Variants in RRM2 observed in about 807,000 individuals in gnomAD.
RRM2 encodes the protein ribonucleoside-diphosphate reductase subunit M2.
A neutral mutation model predicts 45.9 loss-of-function variants in RRM2; 6 were observed. The observed-to-expected ratio is 0.13, with a 90% CI of 0.07 to 0.26. The LOEUF (loss-of-function observed/expected upper bound fraction) is 0.26. Among genes scored for constraint, RRM2 ranks in the 10% least tolerant of loss-of-function variants. The probability of loss-of-function intolerance (pLI) is 1.00; values close to 1 mark genes in which losing one functional copy is unlikely to be tolerated. For synonymous variants in RRM2, 177 were observed against 173.0 expected, an observed-to-expected ratio of 1.02 and a Z score of -0.18; for missense variants, 343 against 489.5, an observed-to-expected ratio of 0.70 and a Z score of 2.82.
intron 3 of RRM2, among the ~76,000 whole-genome samples, chr2:10,142,935 G>A (rs1198099763): frequency 2.6e-5 from 4 of 152,178 alleles, no homozygotes; most frequent in Admixed American, 2.0e-4. Context: ...GTGCAGTGGC[G>A]CGATCTCGAC....
At chr2:10,149,809 T>A (rs1446713460) in intron 3 of RRM2, among the ~76,000 whole-genome samples, 1 of 152,224 alleles carries the variant, frequency 6.6e-6, no homozygotes, top group South Asian at 2.1e-4. Flanking sequence ...CTGCTGCTTC[T>A]GCTTCTTGGT....
downstream of RRM2, among the ~76,000 whole-genome samples, chr2:10,132,861 T>C (rs1019647346): frequency 6.6e-6 from 1 of 151,876 alleles, no homozygotes; most frequent in Non-Finnish European, 1.5e-5. Context: ...TCTGTTCTGC[T>C]CCCCCCGGCC....
chr2:10,176,741 C>T (rs1407616383), intron 3 of RRM2, among the ~76,000 whole-genome samples: 2 of 152,206 alleles, frequency 1.3e-5, no homozygotes, highest in Non-Finnish European at 2.9e-5. Flanking sequence ...AAAACACAAT[C>T]TATTAATTCC....
rs993596199 is a variant in RRM2, at chr2:10,195,530, C to T, written n.483-14781C>T. 1.2e-4 allele frequency among the ~76,000 whole-genome samples: 19 copies of T among 152,168 alleles called. No individual in the cohort carries two copies. The highest frequency in any genetic ancestry group is 5.2e-4 in the Admixed American group (8 of 15,276). ...AGGTGAGCCCTGAAGGGTGAGGTTG[C>T]TTCAGCTGGATGAGAGGGTGTGGGA... On this transcript the variant is annotated intron_variant and non_coding_transcript_variant, in intron 3 of 3. Coordinates refer to the RRM2 transcript ENST00000381786. The surrounding 1 kb of genome is among the most constrained non-coding windows in gnomAD (Gnocchi z 4.9).
At chr2:10,140,394 G>A (rs1663059116), upstream of RRM2, among the ~76,000 whole-genome samples, 1 of 152,246 alleles carries the variant, frequency 6.6e-6, no homozygotes, top group South Asian at 2.1e-4. Context: ...CTTCACCATG[G>A]ATAAGAGACT....
chr2:10,174,074 G>A (rs534620064), intron 3 of RRM2, among the ~76,000 whole-genome samples: 42 of 152,276 alleles, frequency 2.8e-4, no homozygotes, highest in Admixed American at 1.5e-3. Flanking sequence ...TCGTATGGGC[G>A]GGTGCTGATC....
chr2:10,197,267 C>T (rs1037484677), intron 3 of RRM2, among the ~76,000 whole-genome samples: 19 of 152,234 alleles, frequency 1.2e-4, no homozygotes, highest in Admixed American at 6.5e-5. Flanking sequence ...AAGGGTAACG[C>T]GAGCGCCTAG....
Position 10,169,543 on chromosome 2 carries a change from C to T in RRM2, n.482+27168C>T, listed in dbSNP as rs777477628. The stretch of plus-strand genomic sequence containing the variant: ...GACTGTAAGAGATGCAAAGCCAGGA[C>T]GGTGAGGGTGAGCTGGGGTTGGGGA... On this transcript the variant is annotated intron_variant and non_coding_transcript_variant, in intron 3 of 3. Coordinates refer to the RRM2 transcript ENST00000381786. The surrounding 1 kb of genome is among the most constrained non-coding windows in gnomAD (Gnocchi z 5.1). Among the ~76,000 whole-genome samples, 23 of 152,084 alleles carry T rather than the reference C, an allele frequency of 1.5e-4. No homozygotes were observed. Among genetic ancestry groups the T allele is most frequent in the African/African-American group, 2.2e-4 (9 of 41,412 alleles).
chr2:10,124,502 T>C (rs1662740178), intron 4 of RRM2, among the ~76,000 whole-genome samples: 1 of 152,222 alleles, frequency 6.6e-6, no homozygotes, highest in Non-Finnish European at 1.5e-5. Context: ...AATTAGGAAA[T>C]CGAGCGCTCA....
intron 3 of RRM2, among the ~76,000 whole-genome samples, chr2:10,163,607 C>T (rs537011815): frequency 9.2e-5 from 14 of 152,222 alleles, no homozygotes; most frequent in Admixed American, 2.6e-4. Flanking sequence ...CGGGCAGTGG[C>T]GGGTGGGAAC....
intron 3 of RRM2, among the ~76,000 whole-genome samples, chr2:10,200,052 C>CCA (rs35699715): frequency 6.6e-5 from 10 of 152,092 alleles, no homozygotes; most frequent in Non-Finnish European, 1.5e-4. Context: ...AGGCTGATCT[C>CCA]CAACTCCTGA....
rs116557757 is a variant in RRM2, at chr2:10,124,456, T to C, written c.436-261T>C. ...CTGTTTTAATAATAATTTGGTTGTA[T>C]CTCTTATTGCGAATGGATCTTTCTT... is the stretch of plus-strand genomic sequence containing the variant. On this transcript the variant is annotated intron_variant, in intron 4 of 9. Transcript: ENST00000304567. 3.9e-3 allele frequency among the ~76,000 whole-genome samples: 595 copies of C among 152,302 alleles called. 7 individuals carry two copies. The highest frequency in any genetic ancestry group is 0.014 in the African/African-American group (573 of 41,556).
In RRM2 at chr2:10,204,046, C is replaced by G. The variant is rs1664620432; in HGVS notation, n.483-6265C>G. On this transcript the variant is annotated intron_variant and non_coding_transcript_variant, in intron 3 of 3. Transcript: ENST00000381786. This position sits in a 1 kb window ranked among gnomAD's most constrained non-coding sequence, Gnocchi z 4.0. ...GCCATTCAGCAGTCCTTGTGATTTT[C>G]TGAGCATACTTTAGCCTTCTAGCAC... 1.3e-5 allele frequency among the ~76,000 whole-genome samples: 2 copies of G among 152,104 alleles called. No homozygotes were observed. The highest frequency in any genetic ancestry group is 1.3e-4 in the Admixed American group (2 of 15,274).
At chr2:10,208,476 G>A (rs1418397233) in intron 3 of RRM2, among the ~76,000 whole-genome samples, 2 of 152,180 alleles carry the variant, frequency 1.3e-5, no homozygotes, top group African/African-American at 4.8e-5. Flanking sequence ...AAAAGAATAT[G>A]CTTCCTATAC....
downstream of RRM2, among the ~76,000 whole-genome samples, chr2:10,134,522 A>G (rs992045856): frequency 3.3e-5 from 5 of 152,252 alleles, no homozygotes; most frequent in African/African-American, 7.2e-5. Flanking sequence ...TGGTCTAGGA[A>G]CTACTCAAAG....
intron 3 of RRM2, among the ~76,000 whole-genome samples, chr2:10,183,969 T>C (rs13385046): frequency 0.036 from 5,401 of 151,396 alleles, 316 homozygotes; most frequent in African/African-American, 0.12. Context: ...GGCAGGCGCC[T>C]GTAGTCCCAG....
In RRM2 at chr2:10,195,546, G is replaced by C. The variant is rs1230393499; in HGVS notation, n.483-14765G>C. 6.6e-6 allele frequency among the ~76,000 whole-genome samples: 1 copy of C among 152,206 alleles called. No individual in the cohort carries two copies. Among genetic ancestry groups the C allele is most frequent in the Non-Finnish European group, 1.5e-5 (1 of 68,038 alleles). On this transcript the variant is annotated intron_variant and non_coding_transcript_variant, in intron 3 of 3. Transcript: ENST00000381786. The surrounding 1 kb of genome is among the most constrained non-coding windows in gnomAD (Gnocchi z 4.9). ...GTGAGGTTGCTTCAGCTGGATGAGA[G>C]GGTGTGGGAGAGAGGAGCATCCCAG...
Position 10,123,330 on chromosome 2 carries a change from A to G in RRM2, c.175-57A>G, listed in dbSNP as rs771613518. ...AATGGAAAGGACTTGGTCCAGAAAA[A>G]CGTTAGTTTCATATGGTTCGCCCGG... On this transcript the variant is annotated intron_variant, in intron 2 of 9. Transcript: ENST00000304567. The G allele has an allele frequency of 2.0e-6, 3 of 1,536,800 alleles. No homozygotes were observed. The East Asian group carries it at 6.8e-5, about 35-fold the overall frequency.
At chr2:10,177,524 AG>A (rs1663941690) in intron 3 of RRM2, among the ~76,000 whole-genome samples, 5 of 152,138 alleles carry the variant, frequency 3.3e-5, no homozygotes, top group African/African-American at 9.7e-5. Context: ...CAATGTCCTC[AG>A]ATCTCCCTAG....
Sources: gnomAD v4.1 joint callset for allele counts (sites outside exome capture counted in the v4.1 genomes callset) on GRCh38, gnomAD v4.1.1 for gene constraint, Gnocchi (gnomAD v3.1) non-coding constraint, MANE v1.5 for transcripts, NCBI Gene and HGNC (gene_info 2026-07-23, HGNC 2026-07-21) for gene names.